The following CSTPP1 variants were observed in gnomAD, a reference collection of about 807,000 sequenced individuals.
CSTPP1 encodes the protein centriolar satellite-associated tubulin polyglutamylase complex regulator 1, also known as UPF0705 protein C11orf49.
the CSTPP1 span, among the ~76,000 whole-genome samples, chr11:47,079,359 A>T: frequency 2.6e-5 from 4 of 152,198 alleles, no homozygotes; most frequent in African/African-American, 4.8e-5. Flanking sequence ...AGCCAGATGG[A>T]AGAAATAGAT....
At chr11:47,042,601 A>G in the CSTPP1 span, among the ~76,000 whole-genome samples, 1 of 152,204 alleles carries the variant, frequency 6.6e-6, no homozygotes, top group South Asian at 2.1e-4. Context: ...TGAAATTACA[A>G]TATGTCAAAA....
chr11:46,955,992 C>G, the CSTPP1 span, among the ~76,000 whole-genome samples: 38 of 149,108 alleles, frequency 2.5e-4, 1 homozygote, highest in Non-Finnish European at 5.1e-4. Context: ...ATCCACCCCC[C>G]CCCCCCCACC....
At chr11:47,157,085 G>A in the CSTPP1 span, 1 of 1,614,208 alleles carries the variant, frequency 6.2e-7, no homozygotes, top group Middle Eastern at 1.6e-4. Flanking sequence ...CCCCAACACA[G>A]TGATTGTGCC....
At chr11:47,120,013 C>T in the CSTPP1 span, among the ~76,000 whole-genome samples, 107 of 152,082 alleles carry the variant, frequency 7.0e-4, no homozygotes, top group Non-Finnish European at 1.3e-3. This position sits in a 1 kb window ranked among gnomAD's most constrained non-coding sequence, Gnocchi z 4.2. Flanking sequence ...AGCTATGAAC[C>T]CAGAACCCAG....
the CSTPP1 span, among the ~76,000 whole-genome samples, chr11:47,048,925 T>C: frequency 7.2e-5 from 11 of 152,236 alleles, no homozygotes; most frequent in Non-Finnish European, 1.6e-4. Context: ...ATGAGAAGAC[T>C]GCACATAAGT....
chr11:47,058,163 G>C, the CSTPP1 span, among the ~76,000 whole-genome samples: 1 of 151,998 alleles, frequency 6.6e-6, no homozygotes, highest in East Asian at 1.9e-4. Context: ...GCAAAACCCT[G>C]TCTCTACAAA....
chr11:47,028,154 ACCT>A, the CSTPP1 span, among the ~76,000 whole-genome samples: 1 of 151,824 alleles, frequency 6.6e-6, no homozygotes, highest in Non-Finnish European at 1.5e-5. Context: ...CGATCTCCCG[ACCT>A]TGTGATCCGC....
the CSTPP1 span, among the ~76,000 whole-genome samples, chr11:46,981,884 C>T: frequency 3.3e-5 from 5 of 151,926 alleles, no homozygotes; most frequent in Admixed American, 1.3e-4. Flanking sequence ...AAGATGGTCT[C>T]GTATGGATGA....
the CSTPP1 span, among the ~76,000 whole-genome samples, chr11:46,970,830 A>G: frequency 3.3e-5 from 5 of 152,206 alleles, no homozygotes; most frequent in Non-Finnish European, 7.4e-5. Context: ...TTCATGTGCA[A>G]CATTCTTCAT....
the CSTPP1 span, among the ~76,000 whole-genome samples, chr11:47,039,096 G>C: frequency 7.9e-6 from 1 of 126,798 alleles, no homozygotes; most frequent in Non-Finnish European, 1.9e-5. Flanking sequence ...CTTCCCAGAC[G>C]GGGTGGCGGC....
At chr11:47,106,155 G>A in the CSTPP1 span, among the ~76,000 whole-genome samples, 11,966 of 152,138 alleles carry the variant, frequency 0.079, 492 homozygotes, top group Non-Finnish European at 0.09. Context: ...CAGGGAAACC[G>A]CTCCCATGGC....
chr11:46,971,962 G>C, the CSTPP1 span, among the ~76,000 whole-genome samples: 1 of 152,054 alleles, frequency 6.6e-6, no homozygotes, highest in South Asian at 2.1e-4. Flanking sequence ...AAAAAAGCTA[G>C]GTGACCTAAT....
the CSTPP1 span, among the ~76,000 whole-genome samples, chr11:47,097,340 C>T: frequency 4.9e-5 from 6 of 121,442 alleles, no homozygotes; most frequent in African/African-American, 1.9e-4. Context: ...GGTCAGCCCT[C>T]CGCCCGGCCA....
chr11:47,043,491 A>G, the CSTPP1 span, among the ~76,000 whole-genome samples: 1 of 152,204 alleles, frequency 6.6e-6, no homozygotes, highest in East Asian at 1.9e-4. Flanking sequence ...CCCTAATATC[A>G]GGAATGGAGC....
chr11:47,154,868 C>A, the CSTPP1 span: 1 of 474,234 alleles, frequency 2.1e-6, no homozygotes. Flanking sequence ...CTCCTCGCCA[C>A]CCCCTGCCCA....
At chr11:47,055,120 T>C in the CSTPP1 span, among the ~76,000 whole-genome samples, 5 of 150,782 alleles carry the variant, frequency 3.3e-5, no homozygotes, top group African/African-American at 1.2e-4. Context: ...TTTTATAGAG[T>C]TGGGGTTTCG....
chr11:47,140,301 G>GA, the CSTPP1 span, among the ~76,000 whole-genome samples: 2,739 of 142,738 alleles, frequency 0.019, 38 homozygotes, highest in Non-Finnish European at 0.031. Context: ...TTTCTTCACT[G>GA]AAAAAAAAAA....
At chr11:46,955,113 A>C in the CSTPP1 span, among the ~76,000 whole-genome samples, 1 of 152,170 alleles carries the variant, frequency 6.6e-6, no homozygotes, top group African/African-American at 2.4e-5. Context: ...GGTTTCTAGC[A>C]GTAAACATGG....
the CSTPP1 span, chr11:47,161,957 C>T: frequency 1.9e-6 from 2 of 1,079,770 alleles, no homozygotes; most frequent in Non-Finnish European, 2.2e-6. Flanking sequence ...TCTTCTGAGC[C>T]AGCCTCTGCG....
Sources: allele counts gnomAD v4.1 joint callset (sites outside exome capture counted in the v4.1 genomes callset), GRCh38; gene constraint gnomAD v4.1.1; non-coding constraint Gnocchi (gnomAD v3.1); transcripts MANE v1.5; gene names NCBI Gene and HGNC (gene_info 2026-07-23, HGNC 2026-07-21).